LSM12: variants seen among roughly 807,000 people sequenced by gnomAD.
LSM12 encodes the protein LSM12 homolog, also known as protein LSM12.
For synonymous variants in LSM12, 74 were observed against 87.3 expected (o/e 0.85, Z 0.85); for missense variants, 108 against 238.9 (o/e 0.45, Z 3.61).
At chr17:44,050,343 C>T (rs1048123779) in intron 2 of LSM12, among the ~76,000 whole-genome samples, 2 of 151,648 alleles carry the variant, frequency 1.3e-5, no homozygotes, top group Admixed American at 6.6e-5. Flanking sequence ...CTCCTGACCT[C>T]AGGTAATCCA....
chr17:44,055,224 T>C (rs115410007), intron 2 of LSM12, among the ~76,000 whole-genome samples: 190 of 152,146 alleles, frequency 1.2e-3, no homozygotes, highest in African/African-American at 4.0e-3. Context: ...TAGTAAAAAC[T>C]TGCTTGCCTT....
upstream of LSM12, chr17:44,066,852 C>G: frequency 3.5e-6 from 1 of 282,344 alleles, no homozygotes; most frequent in Non-Finnish European, 6.4e-6. Flanking sequence ...AAATGACCTA[C>G]GTGGAATGAA....
At chr17:44,046,959 T>C (rs1251571241) in intron 2 of LSM12, among the ~76,000 whole-genome samples, 1 of 151,504 alleles carries the variant, frequency 6.6e-6, no homozygotes, top group East Asian at 2.0e-4. Context: ...CTCGAACTCC[T>C]GACCTCGTGA....
intron 2 of LSM12, among the ~76,000 whole-genome samples, chr17:44,063,193 A>G (rs997435858): frequency 1.3e-5 from 2 of 152,186 alleles, no homozygotes; most frequent in African/African-American, 4.8e-5. Flanking sequence ...CCAGGCGTTC[A>G]AGTTCAACCT....
In LSM12 at chr17:44,035,962, G is replaced by C; in HGVS notation, c.*246C>G. On this transcript the variant is annotated 3_prime_UTR_variant, in exon 5 of 5. Transcript: ENST00000293406. ...TTAACAAGGTGACTGTTCCAGAAGA[G>C]GGCTGTGAAAAGGACATGGTGGACC... 3.4e-6 allele frequency: 1 copy of C among 292,082 alleles called. No individual in the cohort carries two copies. The highest frequency in any genetic ancestry group is 6.3e-6 in the Non-Finnish European group (1 of 157,646). 18.1% of individuals were successfully genotyped at this position (292,082 alleles called of 1,614,324 possible).
chr17:44,067,130 TC>T (rs2049890745), upstream of LSM12, among the ~76,000 whole-genome samples: 2 of 151,930 alleles, frequency 1.3e-5, no homozygotes, highest in Admixed American at 1.3e-4. Flanking sequence ...TGAAACCCCG[TC>T]TCTACTAAAA....
At position 44,049,425 on chromosome 17, in the gene LSM12, G is replaced by A. The variant is rs182513557; in HGVS notation, c.259-9169C>T. ...ACAGAGTAGCTGAGACTATAGGTGT[G>A]CGCCACCACACCCAGCTACTTTTTT... On this transcript the variant is annotated intron_variant, in intron 2 of 4. Transcript: ENST00000293406. Among the ~76,000 whole-genome samples, 95 of 152,176 alleles carry A rather than the reference G, an allele frequency of 6.2e-4. 2 individuals carry two copies. Among genetic ancestry groups the A allele is most frequent in the African/African-American group, 2.2e-3 (93 of 41,530 alleles).
chr17:44,037,626 A>C, intron 3 of LSM12, 88 bp from the exon 4 acceptor site: 1 of 1,444,350 alleles, frequency 6.9e-7, no homozygotes, highest in South Asian at 1.5e-5. Context: ...CAGAAGGCTG[A>C]TCCCAAGTTC....
At chr17:44,039,575 G>A (rs1446919838) in intron 3 of LSM12, among the ~76,000 whole-genome samples, 1 of 148,810 alleles carries the variant, frequency 6.7e-6, no homozygotes, top group African/African-American at 2.5e-5. Flanking sequence ...TAGAGACGGG[G>A]TTTCACCTTG....
intron 2 of LSM12, among the ~76,000 whole-genome samples, chr17:44,049,893 CTG>C (rs1054039427): frequency 1.3e-5 from 2 of 152,162 alleles, no homozygotes; most frequent in African/African-American, 4.8e-5. Context: ...TTTGCCTTCT[CTG>C]TGTATTTGGG....
intron 2 of LSM12, 141 bp downstream of exon 2, chr17:44,063,660 C>T (rs564242120): frequency 9.8e-7 from 1 of 1,020,334 alleles, no homozygotes; most frequent in Non-Finnish European, 1.3e-6. Context: ...ACTAAACCTA[C>T]ATTTTTTAAA....
In LSM12 at chr17:44,066,634, G is replaced by C; in HGVS notation, c.-47C>G. ...GGCGGCGGCGGCGGCAGCAGCGGGC[G>C]AAAGCCGGGCCCCCAGTGAGCGCCG... On this transcript the variant is annotated 5_prime_UTR_variant, in exon 1 of 5. Coordinates refer to ENST00000293406, the MANE Select transcript of LSM12 (RefSeq NM_001371445.1). 2 of 1,305,784 alleles carry C rather than the reference G, an allele frequency of 1.5e-6. No homozygotes were observed. The highest frequency in any genetic ancestry group is 2.0e-6 in the Non-Finnish European group (2 of 1,024,004). The allele number at this position is 1,305,784 out of a possible 1,614,324, so 80.9% of individuals were successfully genotyped here.
intron 3 of LSM12, among the ~76,000 whole-genome samples, chr17:44,039,025 G>A (rs1201606285): frequency 6.6e-6 from 1 of 152,186 alleles, no homozygotes; most frequent in Non-Finnish European, 1.5e-5. Context: ...AGCTAGGGAA[G>A]CTAGTGGAGA....
chr17:44,059,942 A>G (rs1197569392), intron 2 of LSM12, among the ~76,000 whole-genome samples: 1 of 152,110 alleles, frequency 6.6e-6, no homozygotes, highest in African/African-American at 2.4e-5. Flanking sequence ...AGGCGGGCGG[A>G]TCACAAGGTC....
At position 44,057,776 on chromosome 17, in the gene LSM12, A is replaced by G. The variant is rs2049738049; in HGVS notation, c.258+6025T>C. Among the ~76,000 whole-genome samples, 3 of 151,354 alleles carry G rather than the reference A, an allele frequency of 2.0e-5. 1 individual carries two copies. The highest frequency in any genetic ancestry group is 3.9e-4 in the East Asian group (2 of 5,084). On this transcript the variant is annotated intron_variant, in intron 2 of 4. Coordinates refer to ENST00000293406, the MANE Select transcript of LSM12 (RefSeq NM_001371445.1). Reference sequence around the variant, plus strand: ...TCTGTCTCAAAAAAAAAACAAAGTAATAATAATAATAATAATACATAAAGT... The same window carrying G: ...TCTGTCTCAAAAAAAAAACAAAGTAGTAATAATAATAATAATACATAAAGT...
At chr17:44,055,581 G>A (rs942542241) in intron 2 of LSM12, among the ~76,000 whole-genome samples, 1 of 150,280 alleles carries the variant, frequency 6.7e-6, no homozygotes, top group African/African-American at 2.4e-5. Context: ...GGAGGCTGAG[G>A]CAAGAGAATT....
chr17:44,040,172 G>C lies in LSM12; in HGVS notation c.343C>G (p.Gln115Glu), dbSNP rs1357932816. The stretch of plus-strand genomic sequence containing the variant: ...GTCTTGTGAATGGTCTGGAAGAGCT[G>C]CTGGCCCTCTAGAGAGACACCAGCA... ...ISAGVSLEGQQLFQTIHKTIK... is the reference protein window; with the variant it reads ...ISAGVSLEGQELFQTIHKTIK... The change falls in exon 3 of 5, where the codon CAG becomes GAG. Residue 115 changes from glutamine (Q) to glutamate (E), a missense_variant. Gln to Glu is a conservative substitution (Grantham distance 29, BLOSUM62 2). Coordinates refer to ENST00000293406, the MANE Select transcript of LSM12 (RefSeq NM_001371445.1). 2 of 1,613,436 alleles carry C rather than the reference G, an allele frequency of 1.2e-6. No individual in the cohort carries two copies. The highest frequency in any genetic ancestry group is 2.7e-5 in the African/African-American group (2 of 74,936).
chr17:44,066,842 A>T (rs542581800), upstream of LSM12: 346 of 307,064 alleles, frequency 1.1e-3, no homozygotes, highest in Non-Finnish European at 1.7e-3. Context: ...AGTTAAGGAT[A>T]AATGACCTAC....
intron 1 of LSM12, 57 bp downstream of exon 1, chr17:44,066,407 C>T (rs1034169156): frequency 6.7e-7 from 1 of 1,496,530 alleles, no homozygotes; most frequent in Non-Finnish European, 8.9e-7. Context: ...TCCCCCACCC[C>T]CCGACCACCG....
Sources: gnomAD v4.1 joint callset for allele counts (sites outside exome capture counted in the v4.1 genomes callset) on GRCh38, gnomAD v4.1.1 for gene constraint, MANE v1.5 for transcripts, NCBI Gene and HGNC (gene_info 2026-07-23, HGNC 2026-07-21) for gene names.